The following RMND1 variants were observed in gnomAD, a reference collection of about 807,000 sequenced individuals.
The protein encoded by RMND1 is required for meiotic nuclear division 1 homolog, also known as required for meiotic nuclear division protein 1 homolog.
A neutral mutation model predicts 54.0 loss-of-function variants in RMND1; 41 were observed. The ratio of observed to expected loss-of-function variants is 0.76; its 90% confidence interval spans 0.59 to 0.98. The LOEUF (loss-of-function observed/expected upper bound fraction) is 0.98, where lower values mean the gene tolerates loss of function less well. RMND1 is among the 50% of genes least tolerant of loss of function. RMND1 has a pLI of 0.00. For missense variants in RMND1, 457 were observed against 532.0 expected, an observed-to-expected ratio of 0.86 and a Z score of 1.39; for synonymous variants, 183 against 181.7, an observed-to-expected ratio of 1.01 and a Z score of -0.06.
In RMND1 at chr6:151,440,973, C is replaced by T. The variant is rs542787053; in HGVS notation, c.504+4335G>A. Among the ~76,000 whole-genome samples, 4 of 152,156 alleles carry T rather than the reference C, an allele frequency of 2.6e-5. 1 individual carries two copies. In the East Asian group the frequency reaches 7.7e-4, roughly 29 times the overall value. ...TTGGGTTTCAGGATGGGGATCTACACCTTCCTGTTAAATAGATGTGTCAAA... is the reference window on the plus strand; with the variant it reads ...TTGGGTTTCAGGATGGGGATCTACATCTTCCTGTTAAATAGATGTGTCAAA... On this transcript the variant is annotated intron_variant, in intron 2 of 11. Transcript: ENST00000444024.
chr6:151,442,906 G>A (rs1780825489), intron 2 of RMND1, among the ~76,000 whole-genome samples: 2 of 152,132 alleles, frequency 1.3e-5, no homozygotes, highest in Admixed American at 1.3e-4. Flanking sequence ...CTCTGAAAAT[G>A]AGACCAGGTA....
chr6:151,405,370 G>C, intron 11 of RMND1, 103 bp from the exon 12 acceptor site: 1 of 1,124,948 alleles, frequency 8.9e-7, no homozygotes. Flanking sequence ...CTGAAGTAAG[G>C]TAAATGTTTG....
In RMND1 at chr6:151,404,957, C is replaced by T. The variant is rs1312184620; in HGVS notation, c.*278G>A. 2 of 333,382 alleles carry T rather than the reference C, an allele frequency of 6.0e-6. No homozygotes were observed. The highest frequency in any genetic ancestry group is 9.8e-5 in the Admixed American group (2 of 20,406). 20.7% of individuals were successfully genotyped at this position (333,382 alleles called of 1,614,324 possible). On this transcript the variant is annotated 3_prime_UTR_variant, in exon 12 of 12. Coordinates refer to ENST00000444024, the MANE Select transcript of RMND1 (RefSeq NM_017909.4). ...GATCTTAGCTCACTGCAACCTCCGCCTCCCAAGTTCAAGAGATTCTCCTGC... is the reference window on the plus strand; with the variant it reads ...GATCTTAGCTCACTGCAACCTCCGCTTCCCAAGTTCAAGAGATTCTCCTGC...
chr6:151,436,902 AGTCT>A (rs1158268167), intron 2 of RMND1: 1 of 170,158 alleles, frequency 5.9e-6, no homozygotes, highest in East Asian at 1.5e-4. Flanking sequence ...GGAATGTTTA[AGTCT>A]CTCCAACCCT....
chr6:151,417,660 A>G (rs1780044285), intron 9 of RMND1, among the ~76,000 whole-genome samples: 1 of 151,398 alleles, frequency 6.6e-6, no homozygotes, highest in Non-Finnish European at 1.5e-5. Context: ...GTGGCTGAAA[A>G]CATTTGTTAA....
chr6:151,430,100 C>T, intron 5 of RMND1, 38 bp downstream of exon 5: 3 of 1,404,812 alleles, frequency 2.1e-6, no homozygotes, highest in Non-Finnish European at 3.0e-6. Flanking sequence ...TCTCACAAAA[C>T]TAAATTTTTA....
chr6:151,419,862 A>G (rs933572663), intron 9 of RMND1, among the ~76,000 whole-genome samples: 2 of 152,108 alleles, frequency 1.3e-5, no homozygotes, highest in Non-Finnish European at 2.9e-5. Flanking sequence ...TTCTGTATTC[A>G]TACATGCATG....
At chr6:151,441,194 A>AT (rs200381318) in intron 2 of RMND1, among the ~76,000 whole-genome samples, 6 of 152,180 alleles carry the variant, frequency 3.9e-5, no homozygotes, top group Admixed American at 1.3e-4. Flanking sequence ...TGATCAGAAC[A>AT]TTTTTTTAAA....
At chr6:151,411,419 G>C (rs1272668707) in intron 10 of RMND1, 1 of 152,288 alleles carries the variant, frequency 6.6e-6, no homozygotes, top group Non-Finnish European at 1.5e-5. Flanking sequence ...CAGAGGTATA[G>C]ATGTGAACCC....
At chr6:151,443,650 G>C (rs1252036120) in intron 2 of RMND1, among the ~76,000 whole-genome samples, 1 of 152,154 alleles carries the variant, frequency 6.6e-6, no homozygotes, top group Non-Finnish European at 1.5e-5. Context: ...CTTTCAGAAA[G>C]ACAGCATGCG....
chr6:151,405,195 CT>C lies in RMND1; in HGVS notation c.*39del, dbSNP rs1442918881. Reference sequence around the variant, plus strand: ...GAACATTTAATTTTTGATTGTAGAACTTGAATATCTCTTGCAGTGACACTTT... The same window carrying C: ...GAACATTTAATTTTTGATTGTAGAACTGAATATCTCTTGCAGTGACACTTT... On this transcript the variant is annotated 3_prime_UTR_variant, in exon 12 of 12. Transcript: ENST00000444024. 4.4e-6 allele frequency: 7 copies of C among 1,586,150 alleles called. No homozygotes were observed. In the African/African-American group the frequency reaches 9.4e-5, roughly 21 times the overall value.
intron 2 of RMND1, among the ~76,000 whole-genome samples, chr6:151,438,912 G>A (rs1333590268): frequency 1.3e-5 from 2 of 151,976 alleles, no homozygotes; most frequent in African/African-American, 4.8e-5. Context: ...TCAGGAGTTC[G>A]AGACGAGCCT....
At chr6:151,434,724 C>G (rs1424327275) in intron 3 of RMND1, among the ~76,000 whole-genome samples, 1 of 152,186 alleles carries the variant, frequency 6.6e-6, no homozygotes, top group African/African-American at 2.4e-5. Flanking sequence ...GGGATTGAGT[C>G]TTAAGAATTT....
intron 6 of RMND1, among the ~76,000 whole-genome samples, chr6:151,427,128 C>T (rs1780320874): frequency 6.6e-6 from 1 of 151,956 alleles, no homozygotes; most frequent in South Asian, 2.1e-4. Flanking sequence ...CCTGTAATCC[C>T]AGCACTTTGA....
chr6:151,429,367 G>A (rs527347322), intron 5 of RMND1, among the ~76,000 whole-genome samples: 2 of 152,058 alleles, frequency 1.3e-5, no homozygotes, highest in Admixed American at 6.6e-5. Flanking sequence ...GATACCTGCC[G>A]GCCTTGGTCT....
intron 10 of RMND1, among the ~76,000 whole-genome samples, chr6:151,412,979 T>G (rs1779897691): frequency 6.7e-6 from 1 of 149,714 alleles, no homozygotes; most frequent in Non-Finnish European, 1.5e-5. Flanking sequence ...GGGATACAGA[T>G]CTAAACCATA....
At chr6:151,428,007 G>A (rs1289196669) in intron 5 of RMND1, among the ~76,000 whole-genome samples, 1 of 152,170 alleles carries the variant, frequency 6.6e-6, no homozygotes, top group East Asian at 1.9e-4. Context: ...TGGGTGTGGT[G>A]ATGTACACCT....
At chr6:151,445,924 T>C in intron 1 of RMND1, 99 bp from the exon 2 acceptor site, 1 of 1,075,072 alleles carries the variant, frequency 9.3e-7, no homozygotes, top group Non-Finnish European at 1.3e-6. Context: ...TAGAAAAATT[T>C]GTAAAACAGA....
chr6:151,439,797 TC>T (rs1258472804), intron 2 of RMND1, among the ~76,000 whole-genome samples: 2 of 152,158 alleles, frequency 1.3e-5, no homozygotes, highest in Non-Finnish European at 2.9e-5. Context: ...GTTGCTGGGA[TC>T]ACAGGCATGC....
Sources: allele counts gnomAD v4.1 joint callset (sites outside exome capture counted in the v4.1 genomes callset), GRCh38; gene constraint gnomAD v4.1.1; transcripts MANE v1.5; gene names NCBI Gene and HGNC (gene_info 2026-07-23, HGNC 2026-07-21).